Variants in LRP1 observed in about 807,000 individuals in gnomAD.
LRP1 encodes LDL receptor related protein 1.
Under a neutral mutation model 541.5 loss-of-function variants are expected in LRP1, and 51 were observed. The ratio of observed to expected loss-of-function variants is 0.09; its 90% confidence interval spans 0.08 to 0.12. The LOEUF (loss-of-function observed/expected upper bound fraction) is 0.12, where lower values mean the gene tolerates loss of function less well. Among genes scored for constraint, LRP1 ranks in the 10% least tolerant of loss-of-function variants. The pLI is 1.00. For missense variants in LRP1, 3,878 were observed against 6,376.2 expected, an observed-to-expected ratio of 0.61 and a Z score of 13.34; for synonymous variants, 2,219 against 2,470.8, an observed-to-expected ratio of 0.90 and a Z score of 3.02.
In LRP1 at chr12:57,165,617, C is replaced by T. The variant is rs539539165; in HGVS notation, c.2531-188C>T. The T allele has an allele frequency of 3.9e-4, 237 of 605,410 alleles. 1 individual carries two copies. The highest frequency in any genetic ancestry group is 6.0e-4 in the Non-Finnish European group (208 of 345,622). 37.5% of individuals were successfully genotyped at this position (605,410 alleles called of 1,614,324 possible). ...TAAGCATTAAGTAGAGTAAACATCACTATTGTTGCTTGGGAAAGAATTGCA... is the reference window on the plus strand; with the variant it reads ...TAAGCATTAAGTAGAGTAAACATCATTATTGTTGCTTGGGAAAGAATTGCA... On this transcript the variant is annotated intron_variant, in intron 15 of 88. Transcript: ENST00000243077. The surrounding 1 kb of genome is among the most constrained non-coding windows in gnomAD (Gnocchi z 4.5).
intron 1 of LRP1, among the ~76,000 whole-genome samples, chr12:57,130,402 C>A (rs1323460331): frequency 6.6e-6 from 1 of 152,138 alleles, no homozygotes; most frequent in African/African-American, 2.4e-5. Context: ...GTTGTGCCAT[C>A]TTGGGGACTC....
intron 6 of LRP1, among the ~76,000 whole-genome samples, chr12:57,148,529 C>A (rs1170588083): frequency 1.3e-5 from 2 of 152,064 alleles, no homozygotes; most frequent in African/African-American, 4.8e-5. Flanking sequence ...GCCAGGCTGC[C>A]CCTGGGCAGG....
In LRP1 at chr12:57,191,491, G is replaced by A. The variant is rs941289894; in HGVS notation, c.7408G>A (p.Val2470Met). The A allele has an allele frequency of 4.4e-6, 7 of 1,596,552 alleles. No homozygotes were observed. Among genetic ancestry groups the A allele is most frequent in the African/African-American group, 2.7e-5 (2 of 74,512 alleles). ...IPQQPMGIIA[V>M]ANDTNSCELS... ...CCAGCAGCCCATGGGCATCATCGCC[G>A]TGGCCAACGACACCAACAGCTGTGA... Residue 2470 changes from valine (V) to methionine (M), a missense_variant, in exon 44 of 89, where the codon GTG becomes ATG. This residue lies in a region of LRP1 where 1,100 missense variants were observed against 1,827.4 expected (regional missense o/e 0.60). Transcript: ENST00000243077.
At chr12:57,187,544 A>C (rs531026371) in intron 42 of LRP1, 88 bp downstream of exon 42, 2 of 1,313,206 alleles carry the variant, frequency 1.5e-6, no homozygotes, top group East Asian at 4.9e-5. Context: ...GCGGGGGTGC[A>C]GGAGAGGCAG....
chr12:57,144,739 A>G, intron 4 of LRP1: 1 of 558,806 alleles, frequency 1.8e-6, no homozygotes, highest in Non-Finnish European at 3.2e-6. Flanking sequence ...TAGGGACTCA[A>G]TAAATCTTCC....
intron 1 of LRP1, among the ~76,000 whole-genome samples, chr12:57,137,754 C>T (rs2035202811): frequency 1.3e-5 from 2 of 151,894 alleles, no homozygotes; most frequent in African/African-American, 4.8e-5. Context: ...TGAGATTGTG[C>T]CACTGCACTC....
chr12:57,210,494 TC>T lies in LRP1; in HGVS notation c.12754+17del. ...CCTCCCCCTCTGGTATGCCCCCTCATCCCGCCACGCCTGCTCCTTGCCCCTG... is the reference window on the plus strand; with the variant it reads ...CCTCCCCCTCTGGTATGCCCCCTCATCCGCCACGCCTGCTCCTTGCCCCTG... On this transcript the variant is annotated intron_variant, in intron 82 of 88. Coordinates refer to ENST00000243077, the MANE Select transcript of LRP1 (RefSeq NM_002332.3). 6.6e-7 allele frequency: 1 copy of T among 1,516,612 alleles called. No individual in the cohort carries two copies. Among genetic ancestry groups the T allele is most frequent in the Non-Finnish European group, 8.8e-7 (1 of 1,130,446 alleles). The allele number at this position is 1,516,612 out of a possible 1,614,324, so 93.9% of individuals were successfully genotyped here.
chr12:57,184,706 G>A lies in LRP1; in HGVS notation c.6187-133G>A. On this transcript the variant is annotated intron_variant, in intron 38 of 88. Transcript: ENST00000243077. The surrounding 1 kb of genome is among the most constrained non-coding windows in gnomAD (Gnocchi z 7.8). ...AGCAGGGCAGTGGGCAGGAGTGTAT[G>A]CAGGAGGCAGGAGTGAGTTAGGGGA... 9.7e-7 allele frequency: 1 copy of A among 1,035,012 alleles called. No homozygotes were observed. The highest frequency in any genetic ancestry group is 1.6e-5 in the South Asian group (1 of 62,276). The allele number at this position is 1,035,012 out of a possible 1,614,324, so 64.1% of individuals were successfully genotyped here. A position where few individuals can be genotyped will look rare whatever the true frequency, so the allele number is the denominator to read the frequency against.
chr12:57,169,513 A>T lies in LRP1; in HGVS notation c.3163+206A>T, dbSNP rs368614434. ...AAAATCATTGCCACACGCTGTTAATATCATGCGCTTTGCAGTTGGTGGCCT... is the reference window on the plus strand; with the variant it reads ...AAAATCATTGCCACACGCTGTTAATTTCATGCGCTTTGCAGTTGGTGGCCT... On this transcript the variant is annotated intron_variant, in intron 20 of 88. Transcript: ENST00000243077. 5.3e-5 allele frequency among the ~76,000 whole-genome samples: 8 copies of T among 152,258 alleles called. No individual in the cohort carries two copies. The East Asian group carries it at 1.3e-3, about 26-fold the overall frequency.
chr12:57,180,954 A>G, intron 33 of LRP1, 147 bp downstream of exon 33: 1 of 1,284,132 alleles, frequency 7.8e-7, no homozygotes, highest in Non-Finnish European at 1.1e-6. Context: ...CTTACCACAA[A>G]GGCGCCTTGT....
At chr12:57,157,723 C>A (rs1304102393) in intron 10 of LRP1, among the ~76,000 whole-genome samples, 1 of 152,230 alleles carries the variant, frequency 6.6e-6, no homozygotes, top group African/African-American at 2.4e-5. Flanking sequence ...ATGAAGAGGG[C>A]AACCATGTAA....
At chr12:57,207,066 C>T (rs1322605432) in intron 76 of LRP1, among the ~76,000 whole-genome samples, 1 of 152,020 alleles carries the variant, frequency 6.6e-6, no homozygotes, top group African/African-American at 2.4e-5. Context: ...ACAGTGAAAC[C>T]CCGTCTCTAT....
In LRP1 at chr12:57,166,994, G is replaced by A. The variant is rs763600882; in HGVS notation, c.2862G>A (p.Thr954=). Residue 954 remains threonine (T), a synonymous_variant, in exon 18 of 89, where the codon ACG becomes ACA. Coordinates refer to ENST00000243077, the MANE Select transcript of LRP1 (RefSeq NM_002332.3). The stretch of plus-strand genomic sequence containing the variant: ...GCCGCTGCATCCCCATCTCCTGGAC[G>A]TGTGATCTGGATGACGACTGTGGGG... ...ASGRCIPISW[T]CDLDDDCGDR... is the part of the protein sequence containing the mutation. 1.8e-4 allele frequency: 293 copies of A among 1,613,992 alleles called. 1 individual carries two copies. The highest frequency in any genetic ancestry group is 2.4e-4 in the Non-Finnish European group (278 of 1,180,026).
rs755777411 is a variant in LRP1 at position 57,177,491 on chromosome 12, G to T, written c.4261G>T (p.Ala1421Ser). Reference protein sequence around the residue: ...PRIEAASMSGAGRRTVHRETG... With the variant: ...PRIEAASMSGSGRRTVHRETG... ...CATTGAGGCAGCCTCCATGAGTGGG[G>T]CTGGGCGCCGCACCGTGCACCGGGA... The change falls in exon 26 of 89, where the codon GCT becomes TCT. Residue 1421 changes from alanine (A) to serine (S), a missense_variant. Coordinates refer to ENST00000243077, the MANE Select transcript of LRP1 (RefSeq NM_002332.3). This position sits in a 1 kb window ranked among gnomAD's most constrained non-coding sequence, Gnocchi z 6.8. 1.2e-6 allele frequency: 2 copies of T among 1,613,090 alleles called. No homozygotes were observed. The highest frequency in any genetic ancestry group is 3.3e-5 in the Admixed American group (2 of 59,876).
intron 69 of LRP1, 38 bp from the exon 70 acceptor site, chr12:57,203,351 G>A: frequency 6.3e-7 from 1 of 1,591,838 alleles, no homozygotes; most frequent in South Asian, 1.1e-5. Flanking sequence ...CTTGGGGAGT[G>A]CCGAGAGGTG....
rs2034963499 is a variant in LRP1, at chr12:57,128,601, C to A, written c.-364C>A. 4 of 414,684 alleles carry A rather than the reference C, an allele frequency of 9.6e-6. No individual in the cohort carries two copies. The highest frequency in any genetic ancestry group is 2.0e-5 in the African/African-American group (1 of 49,258). 25.7% of individuals were successfully genotyped at this position (414,684 alleles called of 1,614,324 possible). On this transcript the variant is annotated 5_prime_UTR_variant, in exon 1 of 89. Coordinates refer to ENST00000243077, the MANE Select transcript of LRP1 (RefSeq NM_002332.3). ...CAAAGGCTCCCCTACCCGGTCCACG[C>A]CCCCCACCCCCCCTCCCCGCCTCCT... is the stretch of plus-strand genomic sequence containing the variant.
chr12:57,184,584 C>A lies in LRP1; in HGVS notation c.6186+132C>A. ...CAGGGTCTCCCAGCCCAGCCCTCCA[C>A]CCAGAGTAGGACTCCTGCTACCACA... On this transcript the variant is annotated intron_variant, in intron 38 of 88. Transcript: ENST00000243077. The surrounding 1 kb of genome is among the most constrained non-coding windows in gnomAD (Gnocchi z 7.8). 7.5e-7 allele frequency: 1 copy of A among 1,334,714 alleles called. No homozygotes were observed. Among genetic ancestry groups the A allele is most frequent in the Non-Finnish European group, 1.0e-6 (1 of 980,160 alleles). 82.7% of individuals were successfully genotyped at this position (1,334,714 alleles called of 1,614,324 possible).
In LRP1 at chr12:57,205,336, C is replaced by G. The variant is rs1169766400; in HGVS notation, c.11336-15C>G. On this transcript the variant is annotated splice_polypyrimidine_tract_variant and intron_variant, in intron 73 of 88. Coordinates refer to ENST00000243077, the MANE Select transcript of LRP1 (RefSeq NM_002332.3). The surrounding 1 kb of genome is among the most constrained non-coding windows in gnomAD (Gnocchi z 4.6). ...GGTGGCTCAAGGGAGGGCATCCACT[C>G]TCTGTCCCCCACAGACCCCAAGCTG... The G allele has an allele frequency of 3.8e-6, 6 of 1,594,332 alleles. No homozygotes were observed. Among genetic ancestry groups the G allele is most frequent in the Non-Finnish European group, 5.1e-6 (6 of 1,169,232 alleles).
chr12:57,206,680 C>T lies in LRP1; in HGVS notation c.11798C>T (p.Ala3933Val), dbSNP rs367719136. 23 of 1,613,660 alleles carry T rather than the reference C, an allele frequency of 1.4e-5. No homozygotes were observed. Among genetic ancestry groups the T allele is most frequent in the East Asian group, 4.5e-5 (2 of 44,890 alleles). Residue 3933 changes from alanine to valine, a missense_variant, in exon 76 of 89, where the codon GCG (alanine) becomes GTG (valine). Coordinates refer to ENST00000243077, the MANE Select transcript of LRP1 (RefSeq NM_002332.3). The surrounding 1 kb of genome is among the most constrained non-coding windows in gnomAD (Gnocchi z 4.7). ...TCCTACCGCAGCCTGCCACCTGCTG[C>T]GCCTCCTACCACTTCCAACCGCCAC... ...TISYRSLPPA[A>V]PPTTSNRHRR...
Sources: gnomAD v4.1 joint callset for allele counts (sites outside exome capture counted in the v4.1 genomes callset) on GRCh38, gnomAD v4.1.1 for gene constraint, gnomAD v4.1.1 regional missense constraint, Gnocchi (gnomAD v3.1) non-coding constraint, MANE v1.5 for transcripts, NCBI Gene and HGNC (gene_info 2026-07-23, HGNC 2026-07-21) for gene names.